The following RYR3 variants were observed in gnomAD, a reference collection of about 807,000 sequenced individuals.
RYR3 encodes brain ryanodine receptor-calcium release channel.
RYR3 carries 207 observed loss-of-function variants against 584.3 expected under a neutral mutation model. That is an observed-to-expected ratio of 0.35 (90% confidence interval 0.32 to 0.40). The LOEUF is 0.40. Ranked by LOEUF, RYR3 falls within the 10% of genes least tolerant of loss-of-function variation. RYR3 has a pLI of 1.00. For synonymous variants in RYR3, 2,416 were observed against 2,248.5 expected, an observed-to-expected ratio of 1.07 and a Z score of -2.11; for missense variants, 5,616 against 6,089.2, an observed-to-expected ratio of 0.92 and a Z score of 2.59.
chr15:33,794,186 T>C (rs868356125), intron 67 of RYR3, among the ~76,000 whole-genome samples: 1,303 of 76,966 alleles, frequency 0.017, 33 homozygotes, highest in African/African-American at 0.043. Context: ...ACATTATATA[T>C]AAATATATAT....
At chr15:33,394,003 T>A (rs1410051650) in intron 1 of RYR3, among the ~76,000 whole-genome samples, 4 of 152,206 alleles carry the variant, frequency 2.6e-5, no homozygotes, top group Admixed American at 6.5e-5. Flanking sequence ...TTTCCTATGG[T>A]CATCCACCTG....
At chr15:33,418,750 C>T (rs937220451) in intron 1 of RYR3, among the ~76,000 whole-genome samples, 1 of 152,076 alleles carries the variant, frequency 6.6e-6, no homozygotes, top group Non-Finnish European at 1.5e-5. Context: ...ACTTTACACA[C>T]TGGGGGTAGA....
At chr15:33,750,079 T>C (rs1407777114) in intron 56 of RYR3, 25 bp downstream of exon 56, 1 of 1,609,164 alleles carries the variant, frequency 6.2e-7, no homozygotes, top group South Asian at 1.1e-5. Flanking sequence ...CAGCATCCCC[T>C]AAAGAAGCTG....
intron 8 of RYR3, among the ~76,000 whole-genome samples, chr15:33,545,357 G>A (rs2056157088): frequency 6.6e-6 from 1 of 152,158 alleles, no homozygotes; most frequent in Non-Finnish European, 1.5e-5. Flanking sequence ...TTGAAAGGAG[G>A]TGATGGGAAG....
intron 54 of RYR3, 31 bp from the exon 55 acceptor site, chr15:33,748,437 C>A: frequency 6.2e-7 from 1 of 1,606,038 alleles, no homozygotes; most frequent in Non-Finnish European, 8.5e-7. Context: ...AAAATAATGG[C>A]AACCCAGTGA....
intron 6 of RYR3, among the ~76,000 whole-genome samples, chr15:33,540,557 A>T (rs1039878061): frequency 6.6e-6 from 1 of 152,146 alleles, no homozygotes; most frequent in Non-Finnish European, 1.5e-5. Context: ...AGCTGAGGGG[A>T]TGAAGTCAAC....
intron 16 of RYR3, among the ~76,000 whole-genome samples, chr15:33,590,880 C>A (rs1169095736): frequency 6.6e-6 from 1 of 152,096 alleles, no homozygotes; most frequent in Non-Finnish European, 1.5e-5. Flanking sequence ...ATAATGGTAG[C>A]AATTATTATA....
chr15:33,420,692 C>T (rs919638937), intron 1 of RYR3, among the ~76,000 whole-genome samples: 3 of 151,902 alleles, frequency 2.0e-5, no homozygotes, highest in African/African-American at 7.3e-5. Flanking sequence ...AACAATCTCA[C>T]AAATTTTAAA....
intron 60 of RYR3, among the ~76,000 whole-genome samples, chr15:33,765,791 C>T (rs893846329): frequency 3.3e-5 from 5 of 152,156 alleles, no homozygotes; most frequent in African/African-American, 1.2e-4. Flanking sequence ...TTATGAAACA[C>T]TTAGCATTGA....
intron 1 of RYR3, among the ~76,000 whole-genome samples, chr15:33,375,972 G>C (rs1567121444): frequency 6.6e-6 from 1 of 152,174 alleles, no homozygotes; most frequent in African/African-American, 2.4e-5. Context: ...GCTGAGGCAG[G>C]AGAATGGCGT....
chr15:33,474,967 T>C (rs968847310), intron 2 of RYR3, among the ~76,000 whole-genome samples: 1 of 152,080 alleles, frequency 6.6e-6, no homozygotes. Context: ...ACAAGGAAAA[T>C]TTTTATCTTT....
At chr15:33,826,182 C>T (rs188720952) in intron 82 of RYR3, 70 bp from the exon 83 acceptor site, 2 of 1,495,194 alleles carry the variant, frequency 1.3e-6, no homozygotes, top group East Asian at 4.5e-5. Context: ...CCAGTTTTAA[C>T]TAAAGACAGT....
intron 2 of RYR3, among the ~76,000 whole-genome samples, chr15:33,488,722 C>G (rs530934080): frequency 1.3e-5 from 2 of 152,042 alleles, no homozygotes; most frequent in Non-Finnish European, 2.9e-5. Flanking sequence ...CATGGTGACA[C>G]GTGCCTATAG....
chr15:33,360,548 G>A (rs935040110), intron 1 of RYR3, among the ~76,000 whole-genome samples: 1 of 152,154 alleles, frequency 6.6e-6, no homozygotes, highest in Non-Finnish European at 1.5e-5. Flanking sequence ...GTTGATTCTG[G>A]TCTTTGGATG....
At position 33,662,324 on chromosome 15, in the gene RYR3, C is replaced by T. The variant is rs749414282; in HGVS notation, c.4794C>T (p.Leu1598=). Residue 1598 remains leucine (L), a synonymous_variant, in exon 35 of 104, where the codon CTC becomes CTT. Transcript: ENST00000634891. ...TCTATGCCATTGACAACAAGTACCT[C>T]CCCGGCCTCCTTCGATCTGGTTTCT... ...QLFYAIDNKY[L]PGLLRSGFYD... The T allele has an allele frequency of 5.0e-6, 8 of 1,611,896 alleles. No individual in the cohort carries two copies. The highest frequency in any genetic ancestry group is 2.2e-5 in the East Asian group (1 of 44,872).
rs552372332 is a variant in RYR3, at chr15:33,401,888, ATTTTGTGTTTTCCAAATC to A, written c.52-71513_52-71496del. ...TATCTCTGGGTGGGGGCAATGAGTG[ATTTTGTGTTTTCCAAATC>A]TTTTGTGTTTTCCAAATTTGAGTAC... On this transcript the variant is annotated intron_variant, in intron 1 of 103. Transcript: ENST00000634891. 1.4e-3 allele frequency among the ~76,000 whole-genome samples: 219 copies of A among 152,306 alleles called. 1 individual carries two copies. Among genetic ancestry groups the A allele is most frequent in the African/African-American group, 4.9e-3 (205 of 41,580 alleles).
At chr15:33,640,945 C>T (rs1441338936) in intron 27 of RYR3, among the ~76,000 whole-genome samples, 1 of 152,066 alleles carries the variant, frequency 6.6e-6, no homozygotes, top group Non-Finnish European at 1.5e-5. Context: ...TATGGAAATC[C>T]TTCTTTATGA....
At chr15:33,437,356 G>A (rs1261923883) in intron 1 of RYR3, among the ~76,000 whole-genome samples, 1 of 152,200 alleles carries the variant, frequency 6.6e-6, no homozygotes, top group Non-Finnish European at 1.5e-5. Flanking sequence ...GTTACGGCAT[G>A]GCTGCCATAC....
intron 1 of RYR3, among the ~76,000 whole-genome samples, chr15:33,380,361 G>T (rs898370200): frequency 3.9e-5 from 6 of 152,186 alleles, no homozygotes; most frequent in African/African-American, 1.4e-4. Context: ...GGGGATGGGG[G>T]ATAGTTAGGT....
Sources: allele counts gnomAD v4.1 joint callset (sites outside exome capture counted in the v4.1 genomes callset), GRCh38; gene constraint gnomAD v4.1.1; transcripts MANE v1.5; gene names NCBI Gene and HGNC (gene_info 2026-07-23, HGNC 2026-07-21).